CEP112: variants seen among roughly 807,000 people sequenced by gnomAD.
CEP112 encodes the protein centrosomal protein 112.
In CEP112, 127 loss-of-function variants were observed where a neutral mutation model predicts 153.0. The observed-to-expected ratio is 0.83, with a 90% CI of 0.72 to 0.96. The LOEUF (loss-of-function observed/expected upper bound fraction) is 0.96, where lower values mean the gene tolerates loss of function less well. Ranked by LOEUF, CEP112 falls within the 40% of genes least tolerant of loss-of-function variation. CEP112 has a pLI of 0.00. For missense variants in CEP112, 1,089 were observed against 1,101.2 expected, an observed-to-expected ratio of 0.99 and a Z score of 0.16; for synonymous variants, 358 against 374.4, an observed-to-expected ratio of 0.96 and a Z score of 0.51.
intron 11 of CEP112, among the ~76,000 whole-genome samples, chr17:66,057,260 C>T (rs1448573070): frequency 6.6e-6 from 1 of 152,142 alleles, no homozygotes; most frequent in East Asian, 1.9e-4. Context: ...GTGGTAGATA[C>T]ATTCAAAAGA....
intron 5 of CEP112, among the ~76,000 whole-genome samples, chr17:66,130,775 C>CAAAAAAA (rs539232836): frequency 3.5e-5 from 3 of 86,054 alleles, no homozygotes; most frequent in Non-Finnish European, 6.4e-5. Flanking sequence ...GACTCCGTCT[C>CAAAAAAA]AAAAAAAAAA....
intron 23 of CEP112, among the ~76,000 whole-genome samples, chr17:65,715,611 C>T (rs957822717): frequency 2.6e-5 from 4 of 151,902 alleles, no homozygotes; most frequent in African/African-American, 7.3e-5. Flanking sequence ...CCACCACGCC[C>T]GGCTAATTTT....
intron 21 of CEP112, among the ~76,000 whole-genome samples, chr17:65,752,066 C>A (rs1406934638): frequency 7.1e-6 from 1 of 140,254 alleles, no homozygotes; most frequent in East Asian, 2.2e-4. Context: ...ATCCATCCAT[C>A]ATCTGTCTAT....
intron 21 of CEP112, chr17:65,751,035 A>C (rs1017986437): frequency 4.1e-6 from 1 of 246,398 alleles, no homozygotes; most frequent in African/African-American, 2.2e-5. Flanking sequence ...AGTAAGGGAA[A>C]GAGAGAAGAA....
chr17:65,640,675 A>G (rs2045082978), intron 25 of CEP112, among the ~76,000 whole-genome samples: 1 of 152,230 alleles, frequency 6.6e-6, no homozygotes, highest in Admixed American at 6.5e-5. Flanking sequence ...CCTGATACCA[A>G]GAATAAAAGG....
intron 23 of CEP112, among the ~76,000 whole-genome samples, chr17:65,703,154 T>C (rs188686488): frequency 2.6e-3 from 397 of 152,214 alleles, no homozygotes; most frequent in Non-Finnish European, 4.6e-3. Flanking sequence ...CTAGGTCCAA[T>C]ATGCAGGCAC....
chr17:65,645,438 A>G (rs1211419043), intron 24 of CEP112, among the ~76,000 whole-genome samples: 2 of 152,094 alleles, frequency 1.3e-5, no homozygotes, highest in African/African-American at 4.8e-5. Flanking sequence ...CCTAATTACT[A>G]TATTTCCTTG....
chr17:66,132,168 C>CAAAAAAAAAAAAAAAAAAAAAA lies in CEP112; in HGVS notation c.564+480_564+501dup. ...CCTGGGCAACAGTGAGACTCCATCT[C>CAAAAAAAAAAAAAAAAAAAAAA]AAAAAAAAAAAAAAAAAAAAAAAAA... On this transcript the variant is annotated intron_variant, in intron 5 of 26. Coordinates refer to ENST00000535342, the MANE Select transcript of CEP112 (RefSeq NM_001199165.4). 5.0e-5 allele frequency among the ~76,000 whole-genome samples: 2 copies of CAAAAAAAAAAAAAAAAAAAAAA among 39,884 alleles called. 1 individual carries two copies. Among genetic ancestry groups the CAAAAAAAAAAAAAAAAAAAAAA allele is most frequent in the Non-Finnish European group, 7.6e-5 (2 of 26,226 alleles). 26.2% of individuals were successfully genotyped at this position (39,884 alleles called of 152,430 possible). A position where few individuals can be genotyped will look rare whatever the true frequency, so the allele number is the denominator to read the frequency against.
intron 12 of CEP112, among the ~76,000 whole-genome samples, chr17:66,033,118 T>G (rs1195644122): frequency 6.6e-6 from 1 of 152,050 alleles, no homozygotes; most frequent in African/African-American, 2.4e-5. Flanking sequence ...GGGAAAGAAA[T>G]AACATTATGA....
chr17:65,939,953 C>A (rs1365043412), intron 18 of CEP112, among the ~76,000 whole-genome samples: 2 of 152,040 alleles, frequency 1.3e-5, no homozygotes, highest in Non-Finnish European at 2.9e-5. Context: ...AAAAAAACAA[C>A]CTACAGAATG....
At chr17:65,769,563 A>T (rs1381961996) in intron 21 of CEP112, among the ~76,000 whole-genome samples, 1 of 152,162 alleles carries the variant, frequency 6.6e-6, no homozygotes, top group South Asian at 2.1e-4. Flanking sequence ...ATATAGAAAC[A>T]GATGCCTAGA....
chr17:65,911,689 A>G (rs2060289393), intron 19 of CEP112, among the ~76,000 whole-genome samples: 1 of 152,156 alleles, frequency 6.6e-6, no homozygotes, highest in Non-Finnish European at 1.5e-5. Flanking sequence ...AAAAGAAAAA[A>G]TGAGAGAAAT....
intron 6 of CEP112, among the ~76,000 whole-genome samples, chr17:66,126,569 T>C (rs1340502312): frequency 6.6e-6 from 1 of 151,932 alleles, no homozygotes; most frequent in African/African-American, 2.4e-5. Flanking sequence ...GAAAGCGTCA[T>C]AAAAACTAAA....
intron 19 of CEP112, among the ~76,000 whole-genome samples, chr17:65,906,269 G>C (rs1037256538): frequency 2.0e-5 from 3 of 151,854 alleles, no homozygotes; most frequent in African/African-American, 7.3e-5. Flanking sequence ...GCCTGTCGGG[G>C]GGGTAGGGGA....
intron 25 of CEP112, among the ~76,000 whole-genome samples, chr17:65,637,818 G>A (rs2044858411): frequency 6.6e-6 from 1 of 152,232 alleles, no homozygotes; most frequent in African/African-American, 2.4e-5. Context: ...GGCTGGGCAT[G>A]TAGCTGGTTT....
At chr17:65,933,498 A>G (rs1163605862) in intron 18 of CEP112, among the ~76,000 whole-genome samples, 1 of 152,218 alleles carries the variant, frequency 6.6e-6, no homozygotes, top group African/African-American at 2.4e-5. Flanking sequence ...TTCTCAGCAG[A>G]AACCCTGCAT....
In CEP112 at chr17:66,028,363, A is replaced by G. The variant is rs575659060; in HGVS notation, c.1546T>C (p.Leu516=). Reference sequence around the variant, plus strand: ...TCTGATTCCTGTAACTGCTGTTTTAATTGACAGACATTCTGCTCTAATTCT... The same window carrying G: ...TCTGATTCCTGTAACTGCTGTTTTAGTTGACAGACATTCTGCTCTAATTCT... ...IEELEQNVCQ[L]KQQLQESELQ... Residue 516 remains leucine (L), a synonymous_variant, in exon 15 of 27, where the codon TTA becomes CTA. Coordinates refer to ENST00000535342, the MANE Select transcript of CEP112 (RefSeq NM_001199165.4). 8 of 1,600,618 alleles carry G rather than the reference A, an allele frequency of 5.0e-6. No homozygotes were observed. The African/African-American group carries it at 5.4e-5, about 11-fold the overall frequency.
At chr17:65,785,999 A>G (rs1225853712) in intron 21 of CEP112, among the ~76,000 whole-genome samples, 2 of 152,180 alleles carry the variant, frequency 1.3e-5, no homozygotes, top group East Asian at 1.9e-4. Flanking sequence ...CTGAATCTGT[A>G]TATCAATTTG....
chr17:66,020,369 C>T (rs921764134), intron 16 of CEP112, among the ~76,000 whole-genome samples: 1 of 152,270 alleles, frequency 6.6e-6, no homozygotes, highest in East Asian at 1.9e-4. Flanking sequence ...CAGGTCAATA[C>T]GTGTTGCTAG....
Sources: allele counts gnomAD v4.1 joint callset (sites outside exome capture counted in the v4.1 genomes callset), GRCh38; gene constraint gnomAD v4.1.1; transcripts MANE v1.5; gene names NCBI Gene and HGNC (gene_info 2026-07-23, HGNC 2026-07-21).